Variants in GRM7 observed in about 807,000 individuals in gnomAD.
GRM7 encodes the protein metabotropic glutamate receptor 7.
Under a neutral mutation model 84.5 loss-of-function variants are expected in GRM7, and 35 were observed. The observed-to-expected ratio is 0.41, with a 90% CI of 0.32 to 0.55. GRM7 has a LOEUF of 0.55. Among genes scored for constraint, GRM7 ranks in the 20% least tolerant of loss-of-function variants. The pLI, the probability that GRM7 is intolerant of heterozygous loss-of-function variation, is 0.19. For missense variants in GRM7, 1,003 were observed against 1,194.6 expected, an observed-to-expected ratio of 0.84 and a Z score of 2.36; for synonymous variants, 487 against 455.1, an observed-to-expected ratio of 1.07 and a Z score of -0.89.
At chr3:7,116,449 G>T (rs1163342242) in intron 1 of GRM7, among the ~76,000 whole-genome samples, 1 of 152,144 alleles carries the variant, frequency 6.6e-6, no homozygotes, top group African/African-American at 2.4e-5. Flanking sequence ...CAGTGGGAAA[G>T]TCACACATTT....
At chr3:7,146,010 T>G (rs1694099005) in intron 1 of GRM7, among the ~76,000 whole-genome samples, 1 of 152,222 alleles carries the variant, frequency 6.6e-6, no homozygotes, top group Admixed American at 6.5e-5. Context: ...TCAATCGATG[T>G]TAGATGGCTA....
chr3:7,424,873 A>G (rs1366806138), intron 5 of GRM7, among the ~76,000 whole-genome samples: 2 of 152,122 alleles, frequency 1.3e-5, no homozygotes, highest in African/African-American at 2.4e-5. Flanking sequence ...AACAGTAGAC[A>G]ATTTTTCCAG....
intron 4 of GRM7, among the ~76,000 whole-genome samples, chr3:7,366,367 G>A (rs759968195): frequency 1.3e-5 from 2 of 151,648 alleles, no homozygotes; most frequent in Admixed American, 6.6e-5. Flanking sequence ...TTTTGTCATC[G>A]ACACTTTCCA....
intron 2 of GRM7, among the ~76,000 whole-genome samples, chr3:7,258,450 T>G (rs1002012498): frequency 6.6e-6 from 1 of 150,898 alleles, no homozygotes; most frequent in African/African-American, 2.4e-5. Context: ...AGGAAGAGAG[T>G]GGTAGGAATA....
chr3:7,263,876 G>A (rs534452066), intron 2 of GRM7, among the ~76,000 whole-genome samples: 2 of 152,144 alleles, frequency 1.3e-5, no homozygotes, highest in Non-Finnish European at 2.9e-5. Flanking sequence ...GCATGCTGGT[G>A]GGGAAGGTAA....
At chr3:6,897,351 G>T (rs534567731) in intron 1 of GRM7, among the ~76,000 whole-genome samples, 2 of 152,290 alleles carry the variant, frequency 1.3e-5, no homozygotes, top group East Asian at 3.9e-4. Context: ...CTCTGGGATT[G>T]AGCCCCAGTG....
Position 7,177,555 on chromosome 3 carries a change from A to G in GRM7, c.736+30887A>G, listed in dbSNP as rs1439641288. 7.1e-5 allele frequency among the ~76,000 whole-genome samples: 9 copies of G among 126,628 alleles called. No individual in the cohort carries two copies. The East Asian group carries it at 2.5e-3, about 35-fold the overall frequency. 83.1% of individuals were successfully genotyped at this position (126,628 alleles called of 152,430 possible). A position where few individuals can be genotyped will look rare whatever the true frequency, so the allele number is the denominator to read the frequency against. ...GAGGGAGGAAGGGAGGGAGGGAGGG[A>G]GGGAGGAAAGGAAGGAAGGCGGGCG... On this transcript the variant is annotated intron_variant, in intron 2 of 9. Coordinates refer to ENST00000357716, the MANE Select transcript of GRM7 (RefSeq NM_000844.4).
rs910851296 is a variant in GRM7 at position 7,466,483 on chromosome 3, C to T, written c.1515+4761C>T. Among the ~76,000 whole-genome samples the T allele has an allele frequency of 2.0e-5, 3 of 152,106 alleles. No individual in the cohort carries two copies. In the East Asian group the frequency reaches 5.8e-4, roughly 29 times the overall value. ...AAAGGCAAGAAATGGAATGTGGATG[C>T]TTAAAAAATTCTAAATCGATGTTGT... On this transcript the variant is annotated intron_variant, in intron 7 of 9. Transcript: ENST00000357716.
chr3:7,167,385 C>G (rs975938509), intron 2 of GRM7, among the ~76,000 whole-genome samples: 1 of 152,154 alleles, frequency 6.6e-6, no homozygotes, highest in Admixed American at 6.5e-5. Flanking sequence ...TGGGTTTCCA[C>G]ACATCCCTGC....
chr3:7,092,433 T>A (rs183275447), intron 1 of GRM7, among the ~76,000 whole-genome samples: 51 of 152,314 alleles, frequency 3.3e-4, no homozygotes, highest in Admixed American at 6.5e-4. Flanking sequence ...CAATTGACAA[T>A]CATTTTGTAC....
intron 2 of GRM7, among the ~76,000 whole-genome samples, chr3:7,232,832 G>T (rs887690656): frequency 6.6e-6 from 1 of 152,172 alleles, no homozygotes; most frequent in African/African-American, 2.4e-5. Flanking sequence ...ATTTAGGGTT[G>T]CTTAAGATGA....
chr3:7,094,262 A>G (rs116814719), intron 1 of GRM7, among the ~76,000 whole-genome samples: 2 of 152,220 alleles, frequency 1.3e-5, no homozygotes, highest in Non-Finnish European at 2.9e-5. Flanking sequence ...AAGAATGAGT[A>G]TAAGAGATTA....
chr3:7,732,247 T>G (rs1702357966), intron 9 of GRM7, among the ~76,000 whole-genome samples: 1 of 152,146 alleles, frequency 6.6e-6, no homozygotes, highest in African/African-American at 2.4e-5. Flanking sequence ...ACAAAAGGCT[T>G]CTCTATGGTA....
At chr3:6,877,243 G>T (rs1348946618) in intron 1 of GRM7, among the ~76,000 whole-genome samples, 1 of 152,096 alleles carries the variant, frequency 6.6e-6, no homozygotes, top group Non-Finnish European at 1.5e-5. Flanking sequence ...CTGCTATACG[G>T]AGGGGTTTGA....
In GRM7 at chr3:7,684,066, G is replaced by A. The variant is rs183770535; in HGVS notation, c.2698+3771G>A. On this transcript the variant is annotated intron_variant, in intron 9 of 9. Transcript: ENST00000357716. ...GCAATGACATTTGAAAAACCAGTCCGCAGCAATGCAAAAATGCATGTATAT... is the reference window on the plus strand; with the variant it reads ...GCAATGACATTTGAAAAACCAGTCCACAGCAATGCAAAAATGCATGTATAT... 1.7e-3 allele frequency among the ~76,000 whole-genome samples: 256 copies of A among 152,206 alleles called. 2 individuals carry two copies. Among genetic ancestry groups the A allele is most frequent in the Non-Finnish European group, 3.3e-3 (225 of 68,008 alleles).
intron 1 of GRM7, among the ~76,000 whole-genome samples, chr3:7,097,519 G>A (rs1698899144): frequency 6.6e-6 from 1 of 152,042 alleles, no homozygotes; most frequent in South Asian, 2.1e-4. Flanking sequence ...ATGAAAACTT[G>A]AAGATGGCAT....
intron 2 of GRM7, among the ~76,000 whole-genome samples, chr3:7,191,339 T>A (rs1695705497): frequency 6.6e-6 from 1 of 152,006 alleles, no homozygotes; most frequent in Non-Finnish European, 1.5e-5. Flanking sequence ...AAACTCCCCT[T>A]TATATCCAAT....
intron 1 of GRM7, among the ~76,000 whole-genome samples, chr3:6,976,928 T>A (rs1694021921): frequency 6.6e-6 from 1 of 152,208 alleles, no homozygotes; most frequent in Non-Finnish European, 1.5e-5. Context: ...CCATTGTTGC[T>A]TTCAAAGGTA....
chr3:7,352,070 C>CACACACACAA (rs1693183246), intron 4 of GRM7, among the ~76,000 whole-genome samples: 1 of 144,952 alleles, frequency 6.9e-6, no homozygotes, highest in Non-Finnish European at 1.5e-5. Flanking sequence ...CACACACACA[C>CACACACACAA]ACACACACAC....
Sources: allele counts gnomAD v4.1 joint callset (sites outside exome capture counted in the v4.1 genomes callset), GRCh38; gene constraint gnomAD v4.1.1; transcripts MANE v1.5; gene names NCBI Gene and HGNC (gene_info 2026-07-23, HGNC 2026-07-21).